LIFR: variants seen among roughly 807,000 people sequenced by gnomAD.
LIFR encodes LIF receptor subunit alpha, also known as leukemia inhibitory factor receptor.
Under a neutral mutation model 122.2 loss-of-function variants are expected in LIFR, and 84 were observed. The observed-to-expected ratio is 0.69, with a 90% CI of 0.58 to 0.82. The LOEUF is 0.82. Ranked by LOEUF, LIFR falls within the 40% of genes least tolerant of loss-of-function variation. The pLI is 0.00. For missense variants in LIFR, 1,294 were observed against 1,311.6 expected (o/e 0.99, Z 0.21); for synonymous variants, 422 against 434.7 (o/e 0.97, Z 0.36).
chr5:38,512,650 A>C (rs1348037398), intron 5 of LIFR, among the ~76,000 whole-genome samples: 4 of 151,924 alleles, frequency 2.6e-5, no homozygotes, highest in Non-Finnish European at 4.4e-5. Context: ...AAAACAACAA[A>C]AAATAAATAA....
At chr5:38,557,758 C>T (rs1405380645), upstream of LIFR, 1 of 154,032 alleles carries the variant, frequency 6.5e-6, no homozygotes, top group Non-Finnish European at 1.5e-5. Context: ...AGGACATTTA[C>T]TGAAAAGTAG....
At chr5:38,591,142 T>C (rs1749909337) in intron 1 of LIFR, among the ~76,000 whole-genome samples, 1 of 152,222 alleles carries the variant, frequency 6.6e-6, no homozygotes, top group South Asian at 2.1e-4. Flanking sequence ...ATTTTGTACA[T>C]TGGAACTGCA....
At chr5:38,575,073 A>G (rs1749339065) in intron 1 of LIFR, among the ~76,000 whole-genome samples, 1 of 152,224 alleles carries the variant, frequency 6.6e-6, no homozygotes, top group Non-Finnish European at 1.5e-5. Flanking sequence ...AGAACAGATC[A>G]ACTGTTTTGT....
intron 1 of LIFR, among the ~76,000 whole-genome samples, chr5:38,588,246 G>C (rs1038930077): frequency 6.6e-6 from 1 of 152,196 alleles, no homozygotes; most frequent in Non-Finnish European, 1.5e-5. Flanking sequence ...AAAGTTCTAG[G>C]TTGAGAGGCC....
chr5:38,478,228 G>A lies in LIFR; in HGVS notation c.*3367C>T, dbSNP rs1421625919. 4.8e-6 allele frequency: 1 copy of A among 206,690 alleles called. No individual in the cohort carries two copies. Among genetic ancestry groups the A allele is most frequent in the Non-Finnish European group, 9.9e-6 (1 of 101,464 alleles). The allele number at this position is 206,690 out of a possible 1,614,324, so 12.8% of individuals were successfully genotyped here. The stretch of plus-strand genomic sequence containing the variant: ...CCAACAAGAATACAATATGCATGAA[G>A]TTTTGAAAATGTGACTTTTTACCAC... On this transcript the variant is annotated 3_prime_UTR_variant, in exon 20 of 20. Transcript: ENST00000453190.
upstream of LIFR, among the ~76,000 whole-genome samples, chr5:38,599,234 C>G (rs896928329): frequency 2.0e-5 from 3 of 152,242 alleles, no homozygotes; most frequent in East Asian, 3.9e-4. Context: ...TAGGATAAAC[C>G]AAAGGCAGCA....
At chr5:38,541,239 G>A (rs919872143) in intron 1 of LIFR, among the ~76,000 whole-genome samples, 3 of 152,124 alleles carry the variant, frequency 2.0e-5, no homozygotes, top group Non-Finnish European at 4.4e-5. Context: ...ACTGATATTT[G>A]GCAAAGCTAT....
rs186702406 is a variant in LIFR at position 38,577,296 on chromosome 5, G to A, written c.-20+17965C>T. ...ACGTTTTGAGTATCTAGATCTAATT[G>A]TAAATGGAGCCCTGATTTCAGCTGA... On this transcript the variant is annotated intron_variant, in intron 1 of 19. Transcript: ENST00000263409. 3.0e-3 allele frequency among the ~76,000 whole-genome samples: 462 copies of A among 152,280 alleles called. 6 individuals carry two copies. The highest frequency in any genetic ancestry group is 0.027 in the Middle Eastern group (8 of 294).
chr5:38,567,681 A>T (rs1286126959), intron 1 of LIFR, among the ~76,000 whole-genome samples: 1 of 151,984 alleles, frequency 6.6e-6, no homozygotes, highest in East Asian at 1.9e-4. Context: ...GGGGCATGCC[A>T]CCATGCCCAG....
intron 1 of LIFR, among the ~76,000 whole-genome samples, chr5:38,553,632 ATAT>A (rs1748332006): frequency 1.6e-5 from 1 of 63,946 alleles, no homozygotes; most frequent in Admixed American, 1.5e-4. Context: ...CTATATATAT[ATAT>A]ATATATATAT....
chr5:38,527,313 T>C lies in LIFR; in HGVS notation c.258-19A>G. On this transcript the variant is annotated intron_variant, in intron 3 of 19. Coordinates refer to ENST00000453190, the MANE Select transcript of LIFR (RefSeq NM_001127671.2). Reference sequence around the variant, plus strand: ...ACGGGACCTGTAATAAGAAATTGAATTTTAATTAGCAAATAAAATTAATAG... The same window carrying C: ...ACGGGACCTGTAATAAGAAATTGAACTTTAATTAGCAAATAAAATTAATAG... 1 of 1,478,300 alleles carries C rather than the reference T, an allele frequency of 6.8e-7. No individual in the cohort carries two copies. Among genetic ancestry groups the C allele is most frequent in the East Asian group, 2.3e-5 (1 of 44,010 alleles). 91.6% of individuals were successfully genotyped at this position (1,478,300 alleles called of 1,614,324 possible). A position where few individuals can be genotyped will look rare whatever the true frequency, so the allele number is the denominator to read the frequency against.
intron 1 of LIFR, among the ~76,000 whole-genome samples, chr5:38,566,815 A>G (rs1378674966): frequency 6.6e-6 from 1 of 152,140 alleles, no homozygotes; most frequent in Non-Finnish European, 1.5e-5. Flanking sequence ...GGCTTTAGAA[A>G]TGTTCATATG....
intron 1 of LIFR, among the ~76,000 whole-genome samples, chr5:38,542,632 T>C (rs1747654908): frequency 1.3e-5 from 2 of 152,134 alleles, no homozygotes; most frequent in African/African-American, 4.8e-5. Context: ...CTCTAGCTTT[T>C]TCATGCCAGC....
intron 7 of LIFR, among the ~76,000 whole-genome samples, chr5:38,508,290 C>A (rs370843953): frequency 6.6e-6 from 1 of 152,008 alleles, no homozygotes; most frequent in East Asian, 1.9e-4. Flanking sequence ...ATTTAAAAAA[C>A]AAAGTCATTT....
At position 38,482,170 on chromosome 5, in the gene LIFR, T is replaced by C. The variant is rs763907566; in HGVS notation, c.2719A>G (p.Asn907Asp). Residue 907 changes from asparagine to aspartate, a missense_variant, in exon 20 of 20, where the codon AAT becomes GAT. Coordinates refer to ENST00000453190, the MANE Select transcript of LIFR (RefSeq NM_001127671.2). ...GATCGAGTTTCCAGAACCTCAACAT[T>C]ATTTGGGGTACAAGGATTCATTTCC... ...TLEMNPCTPN[N>D]VEVLETRSAF... The C allele has an allele frequency of 6.3e-7, 1 of 1,589,086 alleles. No homozygotes were observed. The highest frequency in any genetic ancestry group is 8.5e-7 in the Non-Finnish European group (1 of 1,173,008).
chr5:38,605,690 G>A (rs566577246), intron 2 of LIFR, among the ~76,000 whole-genome samples: 7 of 152,234 alleles, frequency 4.6e-5, no homozygotes, highest in Non-Finnish European at 1.0e-4. Flanking sequence ...ATTCCCTGTG[G>A]ACAAAGGACA....
chr5:38,547,287 T>C (rs1747947285), intron 1 of LIFR, among the ~76,000 whole-genome samples: 1 of 152,180 alleles, frequency 6.6e-6, no homozygotes, highest in African/African-American at 2.4e-5. Flanking sequence ...TTAAACTGTG[T>C]CCAAAAATGA....
chr5:38,588,097 AG>A (rs1749806351), intron 1 of LIFR, among the ~76,000 whole-genome samples: 1 of 152,246 alleles, frequency 6.6e-6, no homozygotes, highest in Admixed American at 6.5e-5. Context: ...GGAGGTTGTG[AG>A]GGAAACCATT....
At chr5:38,538,452 G>C (rs1416724966) in intron 1 of LIFR, among the ~76,000 whole-genome samples, 3 of 152,144 alleles carry the variant, frequency 2.0e-5, no homozygotes, top group Non-Finnish European at 4.4e-5. Flanking sequence ...AAAATATTCT[G>C]ATGCTTCATA....
Sources: gnomAD v4.1 joint callset for allele counts (sites outside exome capture counted in the v4.1 genomes callset) on GRCh38, gnomAD v4.1.1 for gene constraint, MANE v1.5 for transcripts, NCBI Gene and HGNC (gene_info 2026-07-23, HGNC 2026-07-21) for gene names.